The following ANKS1B variants were observed in gnomAD, a reference collection of about 807,000 sequenced individuals.
ANKS1B encodes the protein ankyrin repeat and sterile alpha motif domain containing 1B, also known as ankyrin repeat and sterile alpha motif domain-containing protein 1B.
Under a neutral mutation model 148.3 loss-of-function variants are expected in ANKS1B, and 36 were observed. The observed-to-expected ratio is 0.24, with a 90% CI of 0.19 to 0.32. The LOEUF is 0.32. Among genes scored for constraint, ANKS1B ranks in the 10% least tolerant of loss-of-function variants. ANKS1B has a pLI of 1.00. For synonymous variants in ANKS1B, 542 were observed against 560.8 expected (o/e 0.97, Z 0.47); for missense variants, 1,157 against 1,542.6 (o/e 0.75, Z 4.19).
intron 1 of ANKS1B, among the ~76,000 whole-genome samples, chr12:99,862,212 A>C (rs992624569): frequency 6.6e-6 from 1 of 152,230 alleles, no homozygotes; most frequent in Non-Finnish European, 1.5e-5. Context: ...ATATGCTTCC[A>C]ATGAGCATGC....
Position 99,239,672 on chromosome 12 carries a change from G to C in ANKS1B, c.2419+4670C>G, listed in dbSNP as rs189624070. Among the ~76,000 whole-genome samples the C allele has an allele frequency of 1.2e-3, 180 of 152,272 alleles. 1 individual carries two copies. Among genetic ancestry groups the C allele is most frequent in the African/African-American group, 4.2e-3 (174 of 41,544 alleles). On this transcript the variant is annotated intron_variant, in intron 14 of 26. Transcript: ENST00000683438. ...ATGTTAAGGGCAGCCAGAGAGAAAG[G>C]TTGGGTTACCCACAAAGGGAAGCCC...
chr12:98,854,616 A>C (rs1459084098), intron 17 of ANKS1B, among the ~76,000 whole-genome samples: 1 of 152,354 alleles, frequency 6.6e-6, no homozygotes, highest in African/African-American at 2.4e-5. Flanking sequence ...TGTTTAGAAT[A>C]TCATTCTAAA....
chr12:99,804,728 AG>A (rs1255372413), intron 4 of ANKS1B, among the ~76,000 whole-genome samples: 2 of 152,170 alleles, frequency 1.3e-5, no homozygotes, highest in Non-Finnish European at 2.9e-5. Flanking sequence ...CTTCTAATAC[AG>A]AGGTAGACTC....
chr12:99,954,848 G>A (rs1213124783), intron 1 of ANKS1B, among the ~76,000 whole-genome samples: 1 of 152,176 alleles, frequency 6.6e-6, no homozygotes. Flanking sequence ...TAGTACCAAG[G>A]TTGGGAAATC....
At chr12:99,203,611 C>G (rs74629907) in intron 14 of ANKS1B, among the ~76,000 whole-genome samples, 127 of 152,074 alleles carry the variant, frequency 8.4e-4, no homozygotes, top group African/African-American at 3.0e-3. Context: ...CCACCAAGCC[C>G]GACAAATTTT....
At chr12:98,735,619 T>C (rs1279902954) in exon 10 of ANKS1B, 2 of 772,802 alleles carry the variant, frequency 2.6e-6, no homozygotes, top group South Asian at 1.4e-5. Flanking sequence ...CCGGTATGGC[T>C]GGCATGAAGA....
intron 26 of ANKS1B, among the ~76,000 whole-genome samples, chr12:98,747,375 C>T (rs531797459): frequency 6.6e-6 from 1 of 152,276 alleles, no homozygotes; most frequent in African/African-American, 2.4e-5. Flanking sequence ...TCATCAGGGA[C>T]ATGCAAATGA....
intron 10 of ANKS1B, among the ~76,000 whole-genome samples, chr12:99,448,780 G>C (rs1273093612): frequency 6.6e-6 from 1 of 151,972 alleles, no homozygotes; most frequent in Non-Finnish European, 1.5e-5. Flanking sequence ...ATGACTCTAA[G>C]GCTTTTGGCC....
intron 8 of ANKS1B, among the ~76,000 whole-genome samples, chr12:99,657,665 A>T (rs1461796680): frequency 6.6e-6 from 1 of 150,652 alleles, no homozygotes. Flanking sequence ...ATATATGATA[A>T]AGTTGTTCAC....
chr12:99,648,509 C>T lies in ANKS1B; in HGVS notation c.1272+6558G>A, dbSNP rs74343597. 1,736 of 1,614,126 alleles carry T rather than the reference C, an allele frequency of 1.1e-3. 17 individuals carry two copies. In the African/African-American group the frequency reaches 0.017, roughly 16 times the overall value. On this transcript the variant is annotated intron_variant, in intron 9 of 26. Coordinates refer to ENST00000683438, the MANE Select transcript of ANKS1B (RefSeq NM_001352186.2). Reference sequence around the variant, plus strand: ...ACCCAGAAAAGAGAAAGTCCGCCTGCAGAGATCTTAGAACTAACCAGGCTG... The same window carrying T: ...ACCCAGAAAAGAGAAAGTCCGCCTGTAGAGATCTTAGAACTAACCAGGCTG...
intron 2 of ANKS1B, among the ~76,000 whole-genome samples, chr12:99,823,650 G>T (rs1426542396): frequency 6.6e-6 from 1 of 152,112 alleles, no homozygotes; most frequent in East Asian, 1.9e-4. Context: ...TCTCTATCGT[G>T]AAGTATTTGC....
At chr12:99,736,654 G>T (rs897098695) in intron 8 of ANKS1B, among the ~76,000 whole-genome samples, 2 of 151,786 alleles carry the variant, frequency 1.3e-5, no homozygotes, top group Admixed American at 6.6e-5. Context: ...TTATGGCAAA[G>T]AATTCAAAAG....
chr12:99,276,789 A>G (rs942751864), intron 12 of ANKS1B, among the ~76,000 whole-genome samples: 15 of 152,220 alleles, frequency 9.9e-5, no homozygotes, highest in Non-Finnish European at 1.6e-4. Flanking sequence ...TAGGTAGCAG[A>G]TGAAGAAATC....
At chr12:99,489,572 CT>C (rs1215744262) in intron 10 of ANKS1B, among the ~76,000 whole-genome samples, 1 of 152,084 alleles carries the variant, frequency 6.6e-6, no homozygotes, top group Non-Finnish European at 1.5e-5. Flanking sequence ...CAGCTCATAC[CT>C]TCAGAAAGGT....
At chr12:99,924,099 T>A (rs2094430671) in intron 1 of ANKS1B, among the ~76,000 whole-genome samples, 1 of 152,148 alleles carries the variant, frequency 6.6e-6, no homozygotes, top group African/African-American at 2.4e-5. Flanking sequence ...ATACTCAGTG[T>A]CTTCCTGACA....
At chr12:99,334,264 T>C (rs1168831483) in intron 12 of ANKS1B, among the ~76,000 whole-genome samples, 2 of 152,042 alleles carry the variant, frequency 1.3e-5, no homozygotes, top group Admixed American at 6.6e-5. Flanking sequence ...ACATCAATTT[T>C]CCTGGTACTG....
intron 1 of ANKS1B, among the ~76,000 whole-genome samples, chr12:99,870,028 A>T (rs1390801089): frequency 2.0e-5 from 3 of 152,170 alleles, no homozygotes; most frequent in Non-Finnish European, 4.4e-5. Flanking sequence ...GAATTAGGGT[A>T]CAACTGATCC....
intron 14 of ANKS1B, among the ~76,000 whole-genome samples, chr12:99,177,789 C>A (rs1341561138): frequency 1.3e-5 from 2 of 152,184 alleles, no homozygotes; most frequent in Non-Finnish European, 2.9e-5. Context: ...CAAGTGATGA[C>A]CTTGGCAAAC....
intron 1 of ANKS1B, among the ~76,000 whole-genome samples, chr12:99,889,231 G>T (rs572412224): frequency 2.6e-5 from 4 of 152,184 alleles, no homozygotes; most frequent in African/African-American, 9.6e-5. Flanking sequence ...GACAAACCAT[G>T]TGAGATGGCT....
Sources: allele counts gnomAD v4.1 joint callset (sites outside exome capture counted in the v4.1 genomes callset), GRCh38; gene constraint gnomAD v4.1.1; transcripts MANE v1.5; gene names NCBI Gene and HGNC (gene_info 2026-07-23, HGNC 2026-07-21).